Variants in RUSC2 observed in about 807,000 individuals in gnomAD.
The protein encoded by RUSC2 is RUN and SH3 domain containing 2, also known as AP-4 complex accessory subunit RUSC2.
A neutral mutation model predicts 122.2 loss-of-function variants in RUSC2; 34 were observed. That is an observed-to-expected ratio of 0.28 (90% CI 0.21 to 0.37). RUSC2 has a LOEUF of 0.37. Ranked by LOEUF, RUSC2 falls within the 10% of genes least tolerant of loss-of-function variation. RUSC2 has a pLI of 1.00. For synonymous variants in RUSC2, 784 were observed against 790.0 expected, an observed-to-expected ratio of 0.99 and a Z score of 0.13; for missense variants, 1,747 against 1,952.4, an observed-to-expected ratio of 0.89 and a Z score of 1.98.
Position 35,516,340 on chromosome 9 carries a change from G to A in RUSC2, c.-93+26168G>A, listed in dbSNP as rs1459866187. Among the ~76,000 whole-genome samples the A allele has an allele frequency of 3.3e-5, 5 of 152,056 alleles. No individual in the cohort carries two copies. The East Asian group carries it at 7.8e-4, about 24-fold the overall frequency. On this transcript the variant is annotated intron_variant, in intron 1 of 11. Coordinates refer to ENST00000361226, the MANE Select transcript of RUSC2 (RefSeq NM_014806.5). ...ATATTTACTGTGTCCAAATCCATCT[G>A]TCTATTGATAGTTTCCTTGCTATCC...
At chr9:35,531,325 A>G (rs1300642934) in intron 1 of RUSC2, among the ~76,000 whole-genome samples, 1 of 152,208 alleles carries the variant, frequency 6.6e-6, no homozygotes, top group African/African-American at 2.4e-5. Context: ...TTTTAGTAGT[A>G]GAGTGACTTG....
chr9:35,548,844 A>G lies in RUSC2; in HGVS notation c.2014+309A>G, dbSNP rs750703437. 47 of 656,436 alleles carry G rather than the reference A, an allele frequency of 7.2e-5. No individual in the cohort carries two copies. The highest frequency in any genetic ancestry group is 8.5e-5 in the Non-Finnish European group (45 of 529,536). The allele number at this position is 656,436 out of a possible 1,614,324, so 40.7% of individuals were successfully genotyped here. A position where few individuals can be genotyped will look rare whatever the true frequency, so the allele number is the denominator to read the frequency against. Reference sequence around the variant, plus strand: ...CAGGAGTTTGAGACCAGCCTGGCCAACATAATGAAACCCCAGCTCTACTAA... The same window carrying G: ...CAGGAGTTTGAGACCAGCCTGGCCAGCATAATGAAACCCCAGCTCTACTAA... On this transcript the variant is annotated intron_variant, in intron 2 of 11. Coordinates refer to ENST00000361226, the MANE Select transcript of RUSC2 (RefSeq NM_014806.5). This position sits in a 1 kb window ranked among gnomAD's most constrained non-coding sequence, Gnocchi z 4.5.
chr9:35,514,333 A>G lies in RUSC2; in HGVS notation c.-93+24161A>G, dbSNP rs565905177. ...AGACAAATGGAGGGGCAGTGTTCCAATCAGTACCGAGCTGATCCGAGTTGA... is the reference window on the plus strand; with the variant it reads ...AGACAAATGGAGGGGCAGTGTTCCAGTCAGTACCGAGCTGATCCGAGTTGA... On this transcript the variant is annotated intron_variant, in intron 1 of 11. Transcript: ENST00000361226. Among the ~76,000 whole-genome samples the G allele has an allele frequency of 2.6e-5, 4 of 152,296 alleles. No homozygotes were observed. The South Asian group carries it at 8.3e-4, about 32-fold the overall frequency.
At position 35,560,245 on chromosome 9, in the gene RUSC2, C is replaced by T. The variant is rs764645833; in HGVS notation, c.3605C>T (p.Ala1202Val). The change falls in exon 10 of 12, where the codon GCC becomes GTC. Residue 1202 changes from alanine (A) to valine (V), a missense_variant. Physicochemically the swap from Ala to Val is moderately conservative, Grantham distance 64 (BLOSUM62 0). Transcript: ENST00000361226. ...LRVSQDLLLS[A>V]HSTLQLARAR... is the part of the protein sequence containing the mutation. ...GTGTCCCAGGACCTGCTGCTGTCTG[C>T]CCACTCCACGCTGCAGCTGGCCCGG... 8 of 1,598,690 alleles carry T rather than the reference C, an allele frequency of 5.0e-6. No individual in the cohort carries two copies. The highest frequency in any genetic ancestry group is 4.4e-5 in the South Asian group (4 of 90,754).
At chr9:35,518,815 C>G (rs1482476472) in intron 1 of RUSC2, among the ~76,000 whole-genome samples, 1 of 152,154 alleles carries the variant, frequency 6.6e-6, no homozygotes, top group Non-Finnish European at 1.5e-5. Context: ...TTTTCTTTTT[C>G]TTTACAATGT....
At chr9:35,490,564 G>C (rs1402377066) in intron 1 of RUSC2, among the ~76,000 whole-genome samples, 1 of 152,186 alleles carries the variant, frequency 6.6e-6, no homozygotes, top group Non-Finnish European at 1.5e-5. Flanking sequence ...CCCTGTGACG[G>C]CTTTGGGGAA....
intron 1 of RUSC2, among the ~76,000 whole-genome samples, chr9:35,503,648 G>C (rs1442633270): frequency 4.6e-5 from 7 of 152,064 alleles, no homozygotes; most frequent in Non-Finnish European, 7.4e-5. Context: ...TCAAATGGTA[G>C]TTGTACTTTC....
chr9:35,514,513 T>C (rs1821067750), intron 1 of RUSC2, among the ~76,000 whole-genome samples: 1 of 152,142 alleles, frequency 6.6e-6, no homozygotes, highest in South Asian at 2.1e-4. Flanking sequence ...ATTAAGATGA[T>C]TCTAGGAAGG....
At chr9:35,495,582 A>T (rs911706406) in intron 1 of RUSC2, among the ~76,000 whole-genome samples, 2 of 151,986 alleles carry the variant, frequency 1.3e-5, no homozygotes, top group East Asian at 3.9e-4. Flanking sequence ...CTTTGTAGTA[A>T]GTTTGGAAAA....
chr9:35,515,698 G>T (rs565031035), intron 1 of RUSC2, among the ~76,000 whole-genome samples: 4 of 152,036 alleles, frequency 2.6e-5, no homozygotes, highest in Admixed American at 2.0e-4. Context: ...TTATCATGAG[G>T]ATTAGAAATG....
Position 35,561,194 on chromosome 9 carries a change from C to G in RUSC2, c.4363C>G (p.Leu1455Val). ...CTGTTTCCCCAGTGAGGTGCAGGCA[C>G]TGTGCCACCACCTGGCCACCGGCCC... is the stretch of plus-strand genomic sequence containing the variant. ...PSSPPCEVQA[L>V]CHHLATGPGQ... is the part of the protein sequence containing the mutation. Residue 1455 changes from leucine to valine, a missense_variant, in exon 12 of 12, where the codon CTG becomes GTG. Coordinates refer to ENST00000361226, the MANE Select transcript of RUSC2 (RefSeq NM_014806.5). 1.2e-6 allele frequency: 2 copies of G among 1,614,084 alleles called. No homozygotes were observed. The highest frequency in any genetic ancestry group is 2.2e-5 in the South Asian group (2 of 91,084).
intron 1 of RUSC2, among the ~76,000 whole-genome samples, chr9:35,495,035 A>G (rs1820657180): frequency 1.1e-5 from 1 of 90,256 alleles, no homozygotes; most frequent in Non-Finnish European, 2.1e-5. Context: ...TATATTATAT[A>G]TACTATAGTA....
chr9:35,528,121 C>A (rs1821355409), intron 1 of RUSC2, among the ~76,000 whole-genome samples: 1 of 152,198 alleles, frequency 6.6e-6, no homozygotes, highest in Admixed American at 6.5e-5. Context: ...CACTGTGGCT[C>A]ATGCCTATAA....
At chr9:35,531,615 T>G (rs182797295) in intron 1 of RUSC2, among the ~76,000 whole-genome samples, 2 of 152,350 alleles carry the variant, frequency 1.3e-5, no homozygotes, top group East Asian at 3.9e-4. Flanking sequence ...TCCCTGAGCC[T>G]CAGATTTCTC....
At chr9:35,494,151 T>G (rs375442030) in intron 1 of RUSC2, among the ~76,000 whole-genome samples, 1 of 152,014 alleles carries the variant, frequency 6.6e-6, no homozygotes, top group South Asian at 2.1e-4. Flanking sequence ...AACACTTGTT[T>G]TCTTTTTTTT....
In RUSC2 at chr9:35,546,454, T is replaced by C; in HGVS notation, c.-68T>C. ...GGTGCCAAGCTCTCCTGATGAAATG[T>C]GTTCTGCCCCACTGGGCTCCAGGGA... On this transcript the variant is annotated 5_prime_UTR_variant, in exon 2 of 12. Transcript: ENST00000361226. The surrounding 1 kb of genome is among the most constrained non-coding windows in gnomAD (Gnocchi z 4.3). 2.5e-6 allele frequency: 3 copies of C among 1,183,398 alleles called. No individual in the cohort carries two copies. The highest frequency in any genetic ancestry group is 3.3e-6 in the Non-Finnish European group (3 of 908,044). 73.3% of individuals were successfully genotyped at this position (1,183,398 alleles called of 1,614,324 possible).
intron 5 of RUSC2, among the ~76,000 whole-genome samples, chr9:35,556,997 C>G (rs1171185784): frequency 6.6e-6 from 1 of 152,092 alleles, no homozygotes; most frequent in African/African-American, 2.4e-5. Context: ...CTGCAGTGAG[C>G]AAAGTCTCAT....
At chr9:35,491,525 T>C (rs1162309579) in intron 1 of RUSC2, among the ~76,000 whole-genome samples, 1 of 152,250 alleles carries the variant, frequency 6.6e-6, no homozygotes, top group Non-Finnish European at 1.5e-5. Context: ...ATTTCTGTGC[T>C]GGTATTTAAG....
chr9:35,513,646 T>C (rs1392118190), intron 1 of RUSC2, among the ~76,000 whole-genome samples: 1 of 152,112 alleles, frequency 6.6e-6, no homozygotes, highest in Non-Finnish European at 1.5e-5. Context: ...TTGTGTTTTG[T>C]AGAATACTTC....
Sources: gnomAD v4.1 joint callset for allele counts (sites outside exome capture counted in the v4.1 genomes callset) on GRCh38, gnomAD v4.1.1 for gene constraint, Gnocchi (gnomAD v3.1) non-coding constraint, MANE v1.5 for transcripts, NCBI Gene and HGNC (gene_info 2026-07-23, HGNC 2026-07-21) for gene names.